Variants in PLSCR5 observed in about 807,000 individuals in gnomAD.
PLSCR5 encodes phospholipid scramblase family, member 5.
In PLSCR5, 44 loss-of-function variants were observed where a neutral mutation model predicts 33.6. The observed-to-expected ratio is 1.31, with a 90% CI of 1.03 to 1.69. PLSCR5 has a LOEUF of 1.69. Among genes scored for constraint, PLSCR5 ranks in the 40% most tolerant of loss-of-function variants. The pLI is 0.00. For missense variants in PLSCR5, 375 were observed against 318.7 expected, an observed-to-expected ratio of 1.18 and a Z score of -1.34; for synonymous variants, 148 against 112.3, an observed-to-expected ratio of 1.32 and a Z score of -2.01.
At chr3:146,595,429 G>A (rs943258741) in intron 2 of PLSCR5, among the ~76,000 whole-genome samples, 2 of 152,048 alleles carry the variant, frequency 1.3e-5, no homozygotes, top group Admixed American at 1.3e-4. Flanking sequence ...ACCAGTCTGT[G>A]CAAAATGGCA....
chr3:146,599,932 G>A (rs990340140), intron 2 of PLSCR5, among the ~76,000 whole-genome samples: 2 of 151,926 alleles, frequency 1.3e-5, no homozygotes, highest in Non-Finnish European at 2.9e-5. Context: ...CCAAAATGCT[G>A]GGATTACAGG....
intron 2 of PLSCR5, among the ~76,000 whole-genome samples, chr3:146,598,096 C>T (rs1305261916): frequency 6.6e-6 from 1 of 151,906 alleles, no homozygotes; most frequent in Non-Finnish European, 1.5e-5. Context: ...TCAAATTGTT[C>T]ATGGAAACAA....
chr3:146,580,454 CTTTTTTTTTTTTTTTTTT>C (rs1170556618), intron 7 of PLSCR5, among the ~76,000 whole-genome samples: 3 of 60,554 alleles, frequency 5.0e-5, no homozygotes, highest in South Asian at 1.3e-3. Flanking sequence ...TTTGAATTTG[CTTTTTTTTTTTTTTTTTT>C]TTTTTTTTTT....
intron 2 of PLSCR5, among the ~76,000 whole-genome samples, chr3:146,597,341 A>G (rs538757711): frequency 6.6e-6 from 1 of 152,154 alleles, no homozygotes; most frequent in East Asian, 1.9e-4. Context: ...GTGAGGAAGC[A>G]AGCCCACAGA....
At chr3:146,586,801 A>G (rs1003446385) in intron 6 of PLSCR5, among the ~76,000 whole-genome samples, 3 of 152,190 alleles carry the variant, frequency 2.0e-5, no homozygotes, top group Non-Finnish European at 4.4e-5. Context: ...GCAGCTTTCT[A>G]AAGCTTTCGC....
Position 146,594,137 on chromosome 3 carries a change from A to G in PLSCR5, c.236T>C (p.Ile79Thr), listed in dbSNP as rs2044738949. 1 of 1,606,980 alleles carries G rather than the reference A, an allele frequency of 6.2e-7. No individual in the cohort carries two copies. Among genetic ancestry groups the G allele is most frequent in the Admixed American group, 1.7e-5 (1 of 59,640 alleles). ...IHQQVELLGM[I>T]LGTETSNKYE... ...TTTGTTGGAGGTCTCAGTACCAAGT[A>G]TCACTAATGGAACAAAAAAAAAATT... Residue 79 changes from isoleucine (I) to threonine (T), a missense_variant, in exon 4 of 8, where the codon ATA becomes ACA. By Grantham distance (89) the Ile-to-Thr change is moderately conservative (BLOSUM62 -1). Coordinates refer to ENST00000443512, the MANE Select transcript of PLSCR5 (RefSeq NM_001085420.2).
chr3:146,590,997 G>GTTTTTTTTTTTTTT (rs371124404), intron 5 of PLSCR5, among the ~76,000 whole-genome samples: 16 of 141,892 alleles, frequency 1.1e-4, no homozygotes, highest in East Asian at 4.1e-4. Flanking sequence ...GTTTTTTTTT[G>GTTTTTTTTTTTTTT]TTTTTTTTTT....
At chr3:146,577,421 T>C (rs1407345519) in intron 7 of PLSCR5, among the ~76,000 whole-genome samples, 1 of 152,146 alleles carries the variant, frequency 6.6e-6, no homozygotes, top group African/African-American at 2.4e-5. Context: ...GAGTGGATTT[T>C]CTGTATAATT....
chr3:146,596,886 G>A (rs2044765825), intron 2 of PLSCR5, among the ~76,000 whole-genome samples: 1 of 151,970 alleles, frequency 6.6e-6, no homozygotes, highest in Non-Finnish European at 1.5e-5. Flanking sequence ...TATGATCTAA[G>A]ATATTCTAAA....
chr3:146,592,349 A>G (rs1388125826), intron 4 of PLSCR5, among the ~76,000 whole-genome samples: 2 of 152,218 alleles, frequency 1.3e-5, no homozygotes, highest in East Asian at 3.9e-4. Context: ...GATTATCTAT[A>G]TTTAATTAAA....
chr3:146,579,441 C>T (rs936148918), intron 7 of PLSCR5, among the ~76,000 whole-genome samples: 4 of 151,990 alleles, frequency 2.6e-5, no homozygotes, highest in African/African-American at 7.3e-5. Flanking sequence ...AAATAAAATA[C>T]AACAAATCTA....
At position 146,605,259 on chromosome 3, in the gene PLSCR5, A is replaced by T. The variant is rs201165393; in HGVS notation, c.-47T>A. On this transcript the variant is annotated 5_prime_UTR_variant, in exon 1 of 8. In the 5' UTR this introduces an upstream ATG that the reference lacks. Transcript: ENST00000443512. ...TCAAAGGTTGCCAGGTTGGAAAACA[A>T]AGGCTTTTCTTGTTGCAGCAAGGAG... is the stretch of plus-strand genomic sequence containing the variant. 1.7e-3 allele frequency: 2,818 copies of T among 1,610,770 alleles called. 5 individuals are homozygous for T. Among genetic ancestry groups the T allele is most frequent in the Non-Finnish European group, 2.1e-3 (2,509 of 1,178,086 alleles).
At position 146,593,976 on chromosome 3, in the gene PLSCR5, T is replaced by C. The variant is rs750326078; in HGVS notation, c.397A>G (p.Thr133Ala). Reference sequence around the variant, plus strand: ...TTACATCTCAAGGGCCTGTTCACTGTAATGACCTCTCGACCTGAGTTATCT... The same window carrying C: ...TTACATCTCAAGGGCCTGTTCACTGCAATGACCTCTCGACCTGAGTTATCT... ...ITDNSGREVITVNRPLRCNSC... is the reference protein window; with the variant it reads ...ITDNSGREVIAVNRPLRCNSC... Residue 133 changes from threonine to alanine, a missense_variant, in exon 4 of 8, where the codon ACA becomes GCA. Physicochemically the swap from Thr to Ala is moderately conservative, Grantham distance 58. Transcript: ENST00000443512. 2.5e-6 allele frequency: 4 copies of C among 1,613,724 alleles called. No homozygotes were observed. In the African/African-American group the frequency reaches 5.3e-5, roughly 22 times the overall value.
At chr3:146,582,337 C>T (rs888072093), downstream of PLSCR5, among the ~76,000 whole-genome samples, 7 of 152,168 alleles carry the variant, frequency 4.6e-5, no homozygotes, top group Non-Finnish European at 1.0e-4. Flanking sequence ...AAATTCCATC[C>T]CCTGACACAT....
downstream of PLSCR5, among the ~76,000 whole-genome samples, chr3:146,582,243 T>C (rs753931749): frequency 2.6e-5 from 4 of 152,314 alleles, no homozygotes; most frequent in Admixed American, 6.5e-5. Context: ...GGAACTTGCA[T>C]AGGAGGGCTT....
At chr3:146,591,686 T>TAAATGAAA (rs2044715805) in intron 5 of PLSCR5, 34 bp downstream of exon 5, 1 of 1,578,606 alleles carries the variant, frequency 6.3e-7, no homozygotes, top group Non-Finnish European at 8.6e-7. Flanking sequence ...AATCAGGACC[T>TAAATGAAA]AAATGAAAAC....
intron 6 of PLSCR5, among the ~76,000 whole-genome samples, chr3:146,588,626 A>T (rs572305704): frequency 6.6e-6 from 1 of 152,292 alleles, no homozygotes; most frequent in East Asian, 1.9e-4. Flanking sequence ...ATGAGATGTG[A>T]CAAAATGGAC....
In PLSCR5 at chr3:146,589,714, TG is replaced by T; in HGVS notation, c.715del (p.His239MetfsTer6). The T allele has an allele frequency of 6.2e-7, 1 of 1,605,530 alleles. No homozygotes were observed. The highest frequency in any genetic ancestry group is 1.1e-5 in the South Asian group (1 of 90,314). ...TGTTACATCTAGATCTGCAGGAACATGAATTCCGAAATTGTCAGCATTTGTG... is the reference window on the plus strand; with the variant it reads ...TGTTACATCTAGATCTGCAGGAACATAATTCCGAAATTGTCAGCATTTGTG... ...VFTNADNFGI[H>X]VPADLDVTVK... On this transcript the variant is annotated frameshift_variant, in exon 6 of 8. Transcript: ENST00000443512. LOFTEE classifies it high-confidence loss of function.
intron 1 of PLSCR5, among the ~76,000 whole-genome samples, chr3:146,601,467 T>C (rs2044814928): frequency 6.6e-6 from 1 of 152,104 alleles, no homozygotes; most frequent in Non-Finnish European, 1.5e-5. Context: ...ATTATGCTGT[T>C]TTAGATTGGG....
Sources: gnomAD v4.1 joint callset for allele counts (sites outside exome capture counted in the v4.1 genomes callset) on GRCh38, gnomAD v4.1.1 for gene constraint, MANE v1.5 for transcripts, NCBI Gene and HGNC (gene_info 2026-07-23, HGNC 2026-07-21) for gene names.